Variants in DACH1 observed in about 807,000 individuals in gnomAD.
DACH1 encodes the protein dachshund family transcription factor 1.
A neutral mutation model predicts 54.2 loss-of-function variants in DACH1; 12 were observed. The observed-to-expected ratio is 0.22, with a 90% CI of 0.14 to 0.36. The LOEUF (loss-of-function observed/expected upper bound fraction) is 0.36. DACH1 is among the 10% of genes least tolerant of loss of function. The pLI, the probability that DACH1 is intolerant of heterozygous loss-of-function variation, is 1.00. For missense variants in DACH1, 805 were observed against 929.8 expected, an observed-to-expected ratio of 0.87 and a Z score of 1.75; for synonymous variants, 386 against 366.2, an observed-to-expected ratio of 1.05 and a Z score of -0.62.
chr13:71,527,403 C>T (rs1004932571), intron 6 of DACH1, among the ~76,000 whole-genome samples: 7 of 152,032 alleles, frequency 4.6e-5, no homozygotes, highest in Non-Finnish European at 2.9e-5. Flanking sequence ...GTTGCAACTT[C>T]GGAGCAACTT....
intron 7 of DACH1, among the ~76,000 whole-genome samples, chr13:71,484,073 G>A (rs1878281231): frequency 6.6e-6 from 1 of 152,128 alleles, no homozygotes. Flanking sequence ...CACAAACACA[G>A]AAGTAGAGAA....
intron 1 of DACH1, among the ~76,000 whole-genome samples, chr13:71,761,636 G>C (rs1885405410): frequency 6.6e-6 from 1 of 152,128 alleles, no homozygotes; most frequent in South Asian, 2.1e-4. Context: ...GGGTTGGGCA[G>C]GCAGGGAAGC....
rs1234977013 is a variant in DACH1 at position 71,439,684 on chromosome 13, G to C, written c.*971C>G. The C allele has an allele frequency of 6.6e-6, 1 of 152,296 alleles. No individual in the cohort carries two copies. The highest frequency in any genetic ancestry group is 1.5e-5 in the Non-Finnish European group (1 of 67,906). The allele number at this position is 152,296 out of a possible 1,614,324, so 9.4% of individuals were successfully genotyped here. A position where few individuals can be genotyped will look rare whatever the true frequency, so the allele number is the denominator to read the frequency against. ...GCTTAAGATCTCATTCATTAATACT[G>C]TGACTCCAGACAAATATTTACATGC... On this transcript the variant is annotated 3_prime_UTR_variant, in exon 11 of 11. Transcript: ENST00000613252.
chr13:71,865,378 C>A (rs1379604822), intron 1 of DACH1, among the ~76,000 whole-genome samples: 1 of 152,256 alleles, frequency 6.6e-6, no homozygotes, highest in Non-Finnish European at 1.5e-5. Flanking sequence ...CCTTTCCCAG[C>A]GGGGCCCTCA....
intron 1 of DACH1, among the ~76,000 whole-genome samples, chr13:71,709,591 A>G (rs1882613957): frequency 6.6e-6 from 1 of 152,196 alleles, no homozygotes; most frequent in Non-Finnish European, 1.5e-5. Context: ...ATTTTATTTA[A>G]TAAGGGTGTG....
At chr13:71,765,794 T>C (rs763952954) in intron 1 of DACH1, among the ~76,000 whole-genome samples, 4 of 152,066 alleles carry the variant, frequency 2.6e-5, no homozygotes, top group Non-Finnish European at 5.9e-5. Flanking sequence ...TCTACAGTCA[T>C]GGAATAAGAA....
chr13:71,683,335 G>C (rs888065212), intron 1 of DACH1, among the ~76,000 whole-genome samples: 3 of 152,056 alleles, frequency 2.0e-5, no homozygotes, highest in Non-Finnish European at 4.4e-5. Flanking sequence ...GTCATAGGAA[G>C]GAAGAAGGCA....
intron 1 of DACH1, among the ~76,000 whole-genome samples, chr13:71,793,917 T>A (rs1164048944): frequency 1.3e-5 from 2 of 152,212 alleles, no homozygotes; most frequent in Non-Finnish European, 2.9e-5. Context: ...GAGGGCGAGC[T>A]GGAGCTAGAA....
At chr13:71,776,687 G>T (rs1222825526) in intron 1 of DACH1, among the ~76,000 whole-genome samples, 1 of 151,880 alleles carries the variant, frequency 6.6e-6, no homozygotes, top group Non-Finnish European at 1.5e-5. Flanking sequence ...CTTTTTGAGG[G>T]TACCTTCTTA....
intron 1 of DACH1, among the ~76,000 whole-genome samples, chr13:71,779,287 A>G (rs1886263659): frequency 7.3e-6 from 1 of 136,994 alleles, no homozygotes; most frequent in Non-Finnish European, 1.5e-5. Flanking sequence ...ATATACGTAT[A>G]TATACACATA....
At chr13:71,591,597 C>T (rs886087354) in intron 3 of DACH1, among the ~76,000 whole-genome samples, 1 of 152,056 alleles carries the variant, frequency 6.6e-6, no homozygotes, top group Non-Finnish European at 1.5e-5. Flanking sequence ...CATGTAGCCT[C>T]TGACAAACAA....
intron 1 of DACH1, among the ~76,000 whole-genome samples, chr13:71,831,797 A>T (rs1019558218): frequency 7.2e-4 from 110 of 152,126 alleles, no homozygotes; most frequent in African/African-American, 2.4e-3. Context: ...TAGCAGGGAA[A>T]CTGTATAGTT....
chr13:71,713,307 C>T (rs1882816715), intron 1 of DACH1, among the ~76,000 whole-genome samples: 1 of 152,038 alleles, frequency 6.6e-6, no homozygotes, highest in African/African-American at 2.4e-5. Flanking sequence ...CAAAAGCAAG[C>T]TATTTCTAGT....
intron 2 of DACH1, among the ~76,000 whole-genome samples, chr13:71,637,176 T>C (rs1877550750): frequency 6.6e-6 from 1 of 152,246 alleles, no homozygotes; most frequent in East Asian, 1.9e-4. Context: ...TTATCTGGGA[T>C]GGCGCAGCGA....
chr13:71,508,801 G>GT (rs1253693400), intron 6 of DACH1, among the ~76,000 whole-genome samples: 2 of 152,024 alleles, frequency 1.3e-5, no homozygotes, highest in Non-Finnish European at 1.5e-5. Context: ...CATGGCTGTA[G>GT]TTTGAGTTTA....
intron 1 of DACH1, among the ~76,000 whole-genome samples, chr13:71,791,019 A>T (rs747818769): frequency 5.3e-5 from 8 of 152,208 alleles, no homozygotes; most frequent in Middle Eastern, 3.2e-3. Flanking sequence ...ATTTTTCAAG[A>T]AATATCCAGT....
intron 1 of DACH1, among the ~76,000 whole-genome samples, chr13:71,712,118 G>A (rs1324566335): frequency 6.6e-6 from 1 of 151,922 alleles, no homozygotes; most frequent in Non-Finnish European, 1.5e-5. Context: ...AATGATACAG[G>A]ATTTTTAGTA....
chr13:71,466,121 T>C (rs1876543042), intron 10 of DACH1, among the ~76,000 whole-genome samples: 1 of 152,200 alleles, frequency 6.6e-6, no homozygotes. Flanking sequence ...ACTTTTAAAT[T>C]AGGATCACTT....
chr13:71,674,585 C>A (rs1433179133), intron 2 of DACH1, among the ~76,000 whole-genome samples: 3 of 152,060 alleles, frequency 2.0e-5, no homozygotes, highest in East Asian at 3.9e-4. Flanking sequence ...GGACTGGATT[C>A]TCCCCTAGAG....
Sources: gnomAD v4.1 joint callset for allele counts (sites outside exome capture counted in the v4.1 genomes callset) on GRCh38, gnomAD v4.1.1 for gene constraint, MANE v1.5 for transcripts, NCBI Gene and HGNC (gene_info 2026-07-23, HGNC 2026-07-21) for gene names.